Variants in ADAM18 observed in about 807,000 individuals in gnomAD.
ADAM18 encodes the protein disintegrin and metalloproteinase domain-containing protein 18.
In ADAM18, 117 loss-of-function variants were observed where a neutral mutation model predicts 94.4. The observed-to-expected ratio is 1.24, with a 90% CI of 1.07 to 1.45. The LOEUF (loss-of-function observed/expected upper bound fraction) is 1.45, where lower values mean the gene tolerates loss of function less well. Ranked by LOEUF, ADAM18 falls within the 40% of genes most tolerant of loss-of-function variation. The pLI is 0.00. For synonymous variants in ADAM18, 327 were observed against 291.6 expected (o/e 1.12, Z -1.24); for missense variants, 936 against 880.0 (o/e 1.06, Z -0.81).
intron 12 of ADAM18, among the ~76,000 whole-genome samples, chr8:39,660,454 TTAATA>T (rs1820805857): frequency 6.6e-6 from 1 of 152,168 alleles, no homozygotes; most frequent in Non-Finnish European, 1.5e-5. Flanking sequence ...GACAGCTATA[TTAATA>T]ACAGATAAAG....
intron 6 of ADAM18, among the ~76,000 whole-genome samples, chr8:39,612,416 T>TA (rs1303918805): frequency 1.3e-5 from 2 of 152,134 alleles, no homozygotes; most frequent in African/African-American, 4.8e-5. Context: ...ACTCTCACTA[T>TA]AAAAACCTCC....
chr8:39,668,207 T>C lies in ADAM18; in HGVS notation c.1525+11T>C. On this transcript the variant is annotated intron_variant, in intron 14 of 19. Coordinates refer to ENST00000265707, the MANE Select transcript of ADAM18 (RefSeq NM_014237.3). ...AGATATTTGGAAAAGGTATTGCTCT[T>C]TCTTTCGTATTTATTTTACCTTACA... 5 of 1,612,436 alleles carry C rather than the reference T, an allele frequency of 3.1e-6. No homozygotes were observed. Among genetic ancestry groups the C allele is most frequent in the Non-Finnish European group, 4.2e-6 (5 of 1,178,518 alleles).
chr8:39,586,547 G>A (rs1818397568), intron 2 of ADAM18, among the ~76,000 whole-genome samples: 1 of 152,116 alleles, frequency 6.6e-6, no homozygotes, highest in Non-Finnish European at 1.5e-5. Flanking sequence ...GCTTGGGCAA[G>A]TTGGTGAGAC....
At chr8:39,669,047 T>C (rs1199035052) in intron 14 of ADAM18, among the ~76,000 whole-genome samples, 1 of 152,098 alleles carries the variant, frequency 6.6e-6, no homozygotes, top group Non-Finnish European at 1.5e-5. Flanking sequence ...TCTAGAATGC[T>C]ACTTTTTATG....
intron 4 of ADAM18, 39 bp downstream of exon 4, chr8:39,609,159 A>G (rs756040645): frequency 7.8e-7 from 1 of 1,276,672 alleles, no homozygotes. Flanking sequence ...TAAAGTGGTT[A>G]TATTATTACC....
intron 16 of ADAM18, among the ~76,000 whole-genome samples, chr8:39,690,008 C>T (rs1343125881): frequency 1.3e-5 from 2 of 152,054 alleles, no homozygotes; most frequent in African/African-American, 4.8e-5. Flanking sequence ...ACTGTTGGCT[C>T]ATTTGTCTGT....
At chr8:39,614,309 G>T (rs978178297) in intron 6 of ADAM18, among the ~76,000 whole-genome samples, 1 of 152,184 alleles carries the variant, frequency 6.6e-6, no homozygotes, top group African/African-American at 2.4e-5. Context: ...GAGATTGAGA[G>T]CCTATATTCA....
intron 14 of ADAM18, among the ~76,000 whole-genome samples, chr8:39,668,560 G>A (rs1821058944): frequency 6.6e-6 from 1 of 152,088 alleles, no homozygotes; most frequent in African/African-American, 2.4e-5. Context: ...AAGGCTCAGA[G>A]TGAATTTCAT....
chr8:39,685,599 A>T (rs1005565972), intron 16 of ADAM18, among the ~76,000 whole-genome samples: 28 of 152,242 alleles, frequency 1.8e-4, no homozygotes, highest in Non-Finnish European at 2.2e-4. Context: ...TCTCTTTTTC[A>T]AAAGGTGGCT....
chr8:39,687,490 A>G (rs1821638533), intron 16 of ADAM18, among the ~76,000 whole-genome samples: 1 of 152,170 alleles, frequency 6.6e-6, no homozygotes, highest in African/African-American at 2.4e-5. Flanking sequence ...TTTTAGGTTC[A>G]GGAGGCATAT....
intron 18 of ADAM18, among the ~76,000 whole-genome samples, chr8:39,709,266 TCTTCTCTGAAGTTATGCCATCAAGCTGTC>T (rs1030680258): frequency 2.0e-5 from 3 of 152,176 alleles, no homozygotes; most frequent in African/African-American, 7.2e-5. Context: ...CCAGCCAGAT[TCTTCTCTGAAGTTATGCCATCAAGCTGTC>T]CTTCTGAAAT....
chr8:39,611,772 T>C (rs1314991495), intron 6 of ADAM18, among the ~76,000 whole-genome samples: 1 of 152,054 alleles, frequency 6.6e-6, no homozygotes, highest in Non-Finnish European at 1.5e-5. Context: ...GAACCAAATG[T>C]ATAAAAAATA....
At chr8:39,624,144 A>G (rs1819697689) in intron 6 of ADAM18, among the ~76,000 whole-genome samples, 1 of 152,136 alleles carries the variant, frequency 6.6e-6, no homozygotes. Context: ...TCTGTGCAGA[A>G]GCTTTTTAGT....
Position 39,606,306 on chromosome 8 carries a change from G to C in ADAM18, c.133-1G>C. The C allele has an allele frequency of 2.6e-6, 4 of 1,514,806 alleles. No homozygotes were observed. Among genetic ancestry groups the C allele is most frequent in the Non-Finnish European group, 3.6e-6 (4 of 1,113,988 alleles). The allele number at this position is 1,514,806 out of a possible 1,614,324, so 93.8% of individuals were successfully genotyped here. ...ATCTTTACTGATGTGTTTTATTTTA[G>C]ATGATTTACATCATTACAATTGATG... On this transcript the variant is annotated splice_acceptor_variant, in intron 2 of 19. Coordinates refer to ENST00000265707, the MANE Select transcript of ADAM18 (RefSeq NM_014237.3). LOFTEE classifies it high-confidence loss of function.
intron 18 of ADAM18, among the ~76,000 whole-genome samples, chr8:39,721,354 A>G (rs1822741952): frequency 6.6e-6 from 1 of 151,552 alleles, no homozygotes; most frequent in Admixed American, 6.6e-5. Context: ...ATAGGCAAAT[A>G]ATTTATGACT....
chr8:39,624,763 C>A (rs1251997383), intron 6 of ADAM18, among the ~76,000 whole-genome samples: 1 of 152,110 alleles, frequency 6.6e-6, no homozygotes. Flanking sequence ...GTAGAGTTCT[C>A]AGGAGATCTG....
intron 18 of ADAM18, among the ~76,000 whole-genome samples, chr8:39,717,501 TG>T (rs1274164042): frequency 6.6e-6 from 1 of 151,776 alleles, no homozygotes; most frequent in Non-Finnish European, 1.5e-5. Context: ...TAGAATTTTT[TG>T]GTAAGGTAAA....
intron 7 of ADAM18, among the ~76,000 whole-genome samples, chr8:39,634,046 G>A (rs1219124381): frequency 6.6e-6 from 1 of 152,132 alleles, no homozygotes; most frequent in Non-Finnish European, 1.5e-5. Context: ...TTGTAAGCAA[G>A]ACAGGTTAAA....
At chr8:39,601,182 C>A (rs1016471474) in intron 2 of ADAM18, among the ~76,000 whole-genome samples, 5 of 152,210 alleles carry the variant, frequency 3.3e-5, no homozygotes, top group Non-Finnish European at 7.3e-5. Context: ...GATCTAATCA[C>A]CTCCCACCAT....
Sources: allele counts gnomAD v4.1 joint callset (sites outside exome capture counted in the v4.1 genomes callset), GRCh38; gene constraint gnomAD v4.1.1; transcripts MANE v1.5; gene names NCBI Gene and HGNC (gene_info 2026-07-23, HGNC 2026-07-21).